Variants in ASPA observed in about 807,000 individuals in gnomAD.
ASPA encodes the protein aspartoacylase.
In ASPA, 25 loss-of-function variants were observed where a neutral mutation model predicts 29.6. The ratio of observed to expected loss-of-function variants is 0.85; its 90% CI spans 0.62 to 1.18. The LOEUF (loss-of-function observed/expected upper bound fraction) is 1.18. Among genes scored for constraint, ASPA ranks in the 50% most tolerant of loss-of-function variants. The probability of loss-of-function intolerance (pLI) is 0.00; values close to 1 mark genes in which losing one functional copy is unlikely to be tolerated. For synonymous variants in ASPA, 131 were observed against 130.3 expected (o/e 1.01, Z -0.04); for missense variants, 333 against 385.7 (o/e 0.86, Z 1.14).
At chr17:3,478,766 T>A (rs1415246517) in intron 1 of ASPA, among the ~76,000 whole-genome samples, 2 of 152,158 alleles carry the variant, frequency 1.3e-5, no homozygotes, top group Non-Finnish European at 2.9e-5. Flanking sequence ...CCATCCTGCC[T>A]CTCCCAAATT....
chr17:3,480,982 T>A (rs958199392), intron 1 of ASPA, among the ~76,000 whole-genome samples: 1 of 152,124 alleles, frequency 6.6e-6, no homozygotes, highest in African/African-American at 2.4e-5. Context: ...TAGCTGGGCA[T>A]GGTGGCACGC....
chr17:3,494,576 A>G (rs1199200022), intron 5 of ASPA, 117 bp downstream of exon 5: 2 of 843,764 alleles, frequency 2.4e-6, no homozygotes, highest in South Asian at 1.4e-5. Context: ...CTCATTAGAC[A>G]CTGAGTGTAG....
upstream of ASPA, chr17:3,475,684 G>T (rs948508441): frequency 5.6e-6 from 1 of 177,156 alleles, no homozygotes; most frequent in Non-Finnish European, 1.2e-5. Context: ...TTTCAGAGAA[G>T]AAATGTTTTG....
At chr17:3,493,880 C>G (rs17222551) in intron 4 of ASPA, among the ~76,000 whole-genome samples, 10,724 of 152,174 alleles carry the variant, frequency 0.07, 534 homozygotes, top group East Asian at 0.23. Flanking sequence ...GGACAGAGTG[C>G]TGATAGGAAT....
chr17:3,478,088 G>C (rs901059623), intron 1 of ASPA, among the ~76,000 whole-genome samples: 21 of 152,110 alleles, frequency 1.4e-4, no homozygotes, highest in African/African-American at 4.8e-4. Flanking sequence ...GGGAGACTGA[G>C]GCAGGAGAAT....
rs940000237 is a variant in ASPA, at chr17:3,494,476, C to G, written c.744+17C>G. 3.2e-6 allele frequency: 5 copies of G among 1,564,314 alleles called. No homozygotes were observed. The highest frequency in any genetic ancestry group is 4.4e-6 in the Non-Finnish European group (5 of 1,134,782). On this transcript the variant is annotated intron_variant, in intron 5 of 5. Coordinates refer to ENST00000263080, the MANE Select transcript of ASPA (RefSeq NM_000049.4). ...AATCTGCAGGTAACATTTGTTCTTT[C>G]TTTAAAATGTTGAAAATAATAATGC...
intron 1 of ASPA, among the ~76,000 whole-genome samples, chr17:3,477,901 G>T (rs765339850): frequency 1.3e-5 from 2 of 151,936 alleles, no homozygotes; most frequent in Admixed American, 1.3e-4. Context: ...TAAGATACAT[G>T]GCCGGGCACA....
chr17:3,483,411 C>T (rs186346057), intron 2 of ASPA, 88 bp from the exon 3 acceptor site: 756 of 1,094,760 alleles, frequency 6.9e-4, no homozygotes, highest in Middle Eastern at 9.8e-4. Flanking sequence ...TGAAGTAAAA[C>T]GTATTGAAGG....
At chr17:3,479,407 A>G (rs757122866) in intron 1 of ASPA, among the ~76,000 whole-genome samples, 11 of 152,274 alleles carry the variant, frequency 7.2e-5, no homozygotes, top group African/African-American at 2.4e-4. Context: ...ATAAATATCC[A>G]TTAGGCTTGG....
intron 1 of ASPA, among the ~76,000 whole-genome samples, chr17:3,477,632 T>A (rs1340834150): frequency 1.3e-5 from 2 of 152,002 alleles, no homozygotes; most frequent in Admixed American, 1.3e-4. Context: ...TTTTGTATTT[T>A]TAGTAGAGAC....
chr17:3,475,453 C>A (rs1597421348), upstream of ASPA: 1 of 152,264 alleles, frequency 6.6e-6, no homozygotes, highest in African/African-American at 2.4e-5. Context: ...TAAGTTAACA[C>A]AGAATTACCA....
chr17:3,482,252 G>A (rs965969034), intron 2 of ASPA, among the ~76,000 whole-genome samples: 3 of 152,090 alleles, frequency 2.0e-5, no homozygotes, highest in Non-Finnish European at 4.4e-5. Flanking sequence ...GTCCTTTAAC[G>A]TAGACTAAAG....
At chr17:3,481,297 G>A (rs191531476) in intron 1 of ASPA, among the ~76,000 whole-genome samples, 63 of 152,214 alleles carry the variant, frequency 4.1e-4, no homozygotes, top group African/African-American at 1.5e-3. Context: ...TAAATTAATG[G>A]ATATGTTGCG....
chr17:3,486,421 C>T (rs1236273816), intron 3 of ASPA, among the ~76,000 whole-genome samples: 1 of 152,198 alleles, frequency 6.6e-6, no homozygotes, highest in Non-Finnish European at 1.5e-5. Flanking sequence ...ATCCTCTCTC[C>T]ACATCCCTCT....
chr17:3,497,513 T>C (rs2073929357), intron 5 of ASPA, among the ~76,000 whole-genome samples: 1 of 152,160 alleles, frequency 6.6e-6, no homozygotes, highest in Non-Finnish European at 1.5e-5. Flanking sequence ...AATTTCACTG[T>C]AGGTAAATTT....
At position 3,486,099 on chromosome 17, in the gene ASPA, A is replaced by T. The variant is rs531414049; in HGVS notation, c.526+2507A>T. The stretch of plus-strand genomic sequence containing the variant: ...AGGTGCCCACCACCATACCCAGCAA[A>T]TTTTTTGCATTTTTAGTAGAGACAG... On this transcript the variant is annotated intron_variant, in intron 3 of 5. Coordinates refer to ENST00000263080, the MANE Select transcript of ASPA (RefSeq NM_000049.4). Among the ~76,000 whole-genome samples the T allele has an allele frequency of 7.2e-5, 11 of 151,884 alleles. No individual in the cohort carries two copies. In the South Asian group the frequency reaches 1.9e-3, roughly 26 times the overall value.
intron 4 of ASPA, among the ~76,000 whole-genome samples, chr17:3,493,478 T>C (rs928641401): frequency 2.0e-5 from 3 of 147,232 alleles, no homozygotes; most frequent in African/African-American, 7.6e-5. Flanking sequence ...GGAGAATCGC[T>C]TGAACCCGGG....
In ASPA at chr17:3,476,394, G is replaced by A. The variant is rs1451412419; in HGVS notation, c.235G>A (p.Gly79Ser). 4 of 1,613,488 alleles carry A rather than the reference G, an allele frequency of 2.5e-6. No individual in the cohort carries two copies. The highest frequency in any genetic ancestry group is 3.4e-6 in the Non-Finnish European group (4 of 1,179,726). The change falls in exon 1 of 6, where the codon GGC (glycine) becomes AGC (serine). Residue 79 changes from glycine (G) to serine (S), a missense_variant and splice_region_variant. By Grantham distance (56) the Gly-to-Ser change is moderately conservative. Coordinates refer to ENST00000263080, the MANE Select transcript of ASPA (RefSeq NM_000049.4). The stretch of plus-strand genomic sequence containing the variant: ...TCGCATTTTTGACCTTGAAAATCTT[G>A]GGTAAGACTATGCTTTGTATTGTAT... ...LNRIFDLENL[G>S]KKMSEDLPYE...
At position 3,490,703 on chromosome 17, in the gene ASPA, C is replaced by A. The variant is rs1381031062; in HGVS notation, c.634+1361C>A. On this transcript the variant is annotated intron_variant, in intron 4 of 5. Coordinates refer to ENST00000263080, the MANE Select transcript of ASPA (RefSeq NM_000049.4). The surrounding 1 kb of genome is among the most constrained non-coding windows in gnomAD (Gnocchi z 4.6). ...AAGATCACAACATACTTACAATAAA[C>A]CCTCTGAATAGGAAGTGTGGGACTA... Among the ~76,000 whole-genome samples the A allele has an allele frequency of 6.6e-6, 1 of 152,112 alleles. No individual in the cohort carries two copies. Among genetic ancestry groups the A allele is most frequent in the Non-Finnish European group, 1.5e-5 (1 of 68,030 alleles).
Sources: allele counts gnomAD v4.1 joint callset (sites outside exome capture counted in the v4.1 genomes callset), GRCh38; gene constraint gnomAD v4.1.1; non-coding constraint Gnocchi (gnomAD v3.1); transcripts MANE v1.5; gene names NCBI Gene and HGNC (gene_info 2026-07-23, HGNC 2026-07-21).